KCNMA1: variants seen among roughly 807,000 people sequenced by gnomAD.
The protein encoded by KCNMA1 is potassium calcium-activated channel subfamily M alpha 1.
Under a neutral mutation model 140.0 loss-of-function variants are expected in KCNMA1, and 29 were observed. The observed-to-expected ratio is 0.21, with a 90% CI of 0.15 to 0.28. The LOEUF (loss-of-function observed/expected upper bound fraction) is 0.28, where lower values mean the gene tolerates loss of function less well. KCNMA1 is among the 10% of genes least tolerant of loss of function. KCNMA1 has a pLI of 1.00. For synonymous variants in KCNMA1, 612 were observed against 611.9 expected, an observed-to-expected ratio of 1.00 and a Z score of 0.00; for missense variants, 880 against 1,602.2, an observed-to-expected ratio of 0.55 and a Z score of 7.70.
intron 24 of KCNMA1, chr10:76,911,982 AG>A (rs1266788520): frequency 6.6e-6 from 1 of 152,166 alleles, no homozygotes; most frequent in African/African-American, 2.4e-5. Context: ...CCAGATATGG[AG>A]GTGAAGTGAC....
chr10:76,988,919 C>T (rs954963284), intron 19 of KCNMA1, among the ~76,000 whole-genome samples: 7 of 152,142 alleles, frequency 4.6e-5, no homozygotes, highest in Admixed American at 1.3e-4. Context: ...CCGTTTGGCC[C>T]TATATGCTTC....
At chr10:76,975,917 C>T (rs2077362480) in intron 19 of KCNMA1, among the ~76,000 whole-genome samples, 1 of 152,112 alleles carries the variant, frequency 6.6e-6, no homozygotes, top group Non-Finnish European at 1.5e-5. Flanking sequence ...TAACATTAAT[C>T]CACAGATTAG....
At chr10:77,045,734 G>A (rs1313908612) in intron 14 of KCNMA1, among the ~76,000 whole-genome samples, 1 of 152,192 alleles carries the variant, frequency 6.6e-6, no homozygotes, top group Non-Finnish European at 1.5e-5. Context: ...GAGTGAAACT[G>A]TGTTTCTCTA....
chr10:77,333,792 C>T (rs898913473), intron 2 of KCNMA1, among the ~76,000 whole-genome samples: 2 of 152,158 alleles, frequency 1.3e-5, no homozygotes, highest in African/African-American at 4.8e-5. Flanking sequence ...GAAGTGTTGC[C>T]TAATTGAGGA....
At chr10:77,033,919 C>A (rs1312456801) in intron 15 of KCNMA1, among the ~76,000 whole-genome samples, 1 of 152,048 alleles carries the variant, frequency 6.6e-6, no homozygotes, top group Non-Finnish European at 1.5e-5. Context: ...ATGAATAGAG[C>A]CAGTTCTGTG....
rs757255349 is a variant in KCNMA1 at position 76,970,008 on chromosome 10, G to C, written c.2326C>G (p.Arg776Gly). The stretch of plus-strand genomic sequence containing the variant: ...TTAGGCGAGGTGTTGGGTGAGTTCC[G>C]CATGCCTCCATTCCGTTGCTTTTTT... ...PKKKQRNGGM[R>G]NSPNTSPKLM... Residue 776 changes from arginine to glycine, a missense_variant, in exon 20 of 28, where the codon CGG becomes GGG. Arg to Gly is a moderately radical substitution (Grantham distance 125). Transcript: ENST00000286628. 6.2e-7 allele frequency: 1 copy of C among 1,613,920 alleles called. No individual in the cohort carries two copies. The highest frequency in any genetic ancestry group is 8.5e-7 in the Non-Finnish European group (1 of 1,179,890).
chr10:77,352,333 C>T (rs1197033333), intron 2 of KCNMA1, among the ~76,000 whole-genome samples: 1 of 152,166 alleles, frequency 6.6e-6, no homozygotes, highest in African/African-American at 2.4e-5. Context: ...TCTGTTGTCC[C>T]GTGATGCTAC....
At chr10:77,365,832 C>T (rs1466160462) in intron 2 of KCNMA1, among the ~76,000 whole-genome samples, 1 of 152,144 alleles carries the variant, frequency 6.6e-6, no homozygotes, top group East Asian at 1.9e-4. Flanking sequence ...GTGGGCCCTA[C>T]TTAGAAACCA....
intron 21 of KCNMA1, among the ~76,000 whole-genome samples, chr10:76,952,602 C>G (rs114217608): frequency 2.6e-5 from 4 of 152,302 alleles, no homozygotes; most frequent in Admixed American, 2.6e-4. Flanking sequence ...AGTTGGACAA[C>G]AGCTGTTTGC....
chr10:77,620,649 G>A (rs748982637), intron 1 of KCNMA1, among the ~76,000 whole-genome samples: 13 of 152,134 alleles, frequency 8.5e-5, no homozygotes, highest in Admixed American at 2.6e-4. Context: ...TGGGGCTGCC[G>A]TCATAACCCC....
At chr10:77,358,179 G>C (rs543198903) in intron 2 of KCNMA1, among the ~76,000 whole-genome samples, 1 of 152,226 alleles carries the variant, frequency 6.6e-6, no homozygotes, top group Admixed American at 6.5e-5. Flanking sequence ...CTGCAACCTA[G>C]CTGAGAGCCA....
chr10:77,414,631 C>G (rs2096696804), intron 1 of KCNMA1, among the ~76,000 whole-genome samples: 1 of 152,118 alleles, frequency 6.6e-6, no homozygotes, highest in Admixed American at 6.5e-5. Flanking sequence ...GCTGGGATTA[C>G]AGGCACCCAC....
chr10:76,987,215 T>C (rs1022990823), intron 19 of KCNMA1, among the ~76,000 whole-genome samples: 4 of 152,202 alleles, frequency 2.6e-5, no homozygotes, highest in African/African-American at 9.7e-5. Flanking sequence ...GGTTACTGTG[T>C]GCAATATGCT....
rs760461640 is a variant in KCNMA1, at chr10:76,911,203, TTAA to T, written c.3017-1110_3017-1108del. The stretch of plus-strand genomic sequence containing the variant: ...CAACTTTCTTGATAACTCTTCTTTT[TTAA>T]AAAAAAAAAACTTTTGTTTACTGTA... On this transcript the variant is annotated intron_variant, in intron 24 of 27. Transcript: ENST00000286628. 17 of 144,878 alleles carry T rather than the reference TTAA, an allele frequency of 1.2e-4. 1 individual carries two copies. Among genetic ancestry groups the T allele is most frequent in the African/African-American group, 4.2e-4 (16 of 37,872 alleles). The allele number at this position is 144,878 out of a possible 1,614,324, so 9.0% of individuals were successfully genotyped here.
At chr10:77,033,828 G>A (rs2094126622) in intron 15 of KCNMA1, among the ~76,000 whole-genome samples, 1 of 152,148 alleles carries the variant, frequency 6.6e-6, no homozygotes, top group Non-Finnish European at 1.5e-5. Flanking sequence ...GGTCTCTGTA[G>A]TAGAAATAAC....
chr10:77,480,258 A>C (rs1413284290), intron 1 of KCNMA1, among the ~76,000 whole-genome samples: 1 of 152,218 alleles, frequency 6.6e-6, no homozygotes, highest in Non-Finnish European at 1.5e-5. Flanking sequence ...CAGGCCAATG[A>C]CAGCATAGGG....
At chr10:77,079,625 T>TCAGA in intron 12 of KCNMA1, 75 bp from the exon 13 acceptor site, 1 of 1,036,826 alleles carries the variant, frequency 9.6e-7, no homozygotes, top group East Asian at 2.4e-5. Flanking sequence ...AATTTTACTG[T>TCAGA]CTCCAAATGG....
intron 3 of KCNMA1, among the ~76,000 whole-genome samples, chr10:77,228,974 G>A (rs1324843579): frequency 6.6e-6 from 1 of 152,260 alleles, no homozygotes; most frequent in African/African-American, 2.4e-5. Flanking sequence ...TTTGAAAGAT[G>A]TGGCTGAAGT....
At chr10:77,124,107 T>C (rs1173697718) in intron 5 of KCNMA1, among the ~76,000 whole-genome samples, 1 of 152,262 alleles carries the variant, frequency 6.6e-6, no homozygotes, top group African/African-American at 2.4e-5. Flanking sequence ...GAGGCACTCC[T>C]GTAGAAATAC....
Sources: gnomAD v4.1 joint callset for allele counts (sites outside exome capture counted in the v4.1 genomes callset) on GRCh38, gnomAD v4.1.1 for gene constraint, MANE v1.5 for transcripts, NCBI Gene and HGNC (gene_info 2026-07-23, HGNC 2026-07-21) for gene names.